NXPE2: variants seen among roughly 807,000 people sequenced by gnomAD.
NXPE2 encodes the protein NXPE family member 2.
In NXPE2, 34 loss-of-function variants were observed where a neutral mutation model predicts 34.4. That is an observed-to-expected ratio of 0.99 (90% CI 0.75 to 1.31). The LOEUF is 1.31. Among genes scored for constraint, NXPE2 ranks in the 40% most tolerant of loss-of-function variants. The pLI is 0.00. For missense variants in NXPE2, 649 were observed against 672.5 expected (o/e 0.97, Z 0.39); for synonymous variants, 235 against 231.3 (o/e 1.02, Z -0.15).
chr11:114,496,420 A>T, the NXPE2 span, among the ~76,000 whole-genome samples: 1 of 151,864 alleles, frequency 6.6e-6, no homozygotes, highest in Non-Finnish European at 1.5e-5. Flanking sequence ...TGTCTTTCCT[A>T]CCCTCTTCAG....
At chr11:114,661,016 G>A in the NXPE2 span, among the ~76,000 whole-genome samples, 1 of 152,054 alleles carries the variant, frequency 6.6e-6, no homozygotes, top group Non-Finnish European at 1.5e-5. Context: ...ATTAAGAATG[G>A]CACGGAAAAC....
the NXPE2 span, among the ~76,000 whole-genome samples, chr11:114,743,659 A>G: frequency 1.5e-3 from 224 of 152,174 alleles, no homozygotes; most frequent in African/African-American, 5.2e-3. Flanking sequence ...TTAAGGTGGA[A>G]CAGTCAATAA....
chr11:114,663,660 T>TATC, the NXPE2 span, among the ~76,000 whole-genome samples: 6 of 132,724 alleles, frequency 4.5e-5, no homozygotes, highest in South Asian at 5.0e-4. Context: ...ATCATCTATT[T>TATC]ATCTATCATC....
At chr11:114,505,910 T>A in the NXPE2 span, among the ~76,000 whole-genome samples, 1 of 152,124 alleles carries the variant, frequency 6.6e-6, no homozygotes, top group Non-Finnish European at 1.5e-5. Flanking sequence ...ATGCCCCATT[T>A]AAAAGACACA....
the NXPE2 span, chr11:114,581,617 G>A: frequency 0.11 from 91,771 of 863,592 alleles, 8,418 homozygotes; most frequent in East Asian, 0.42. Context: ...TAAGCCAGAT[G>A]AACAGAGTGC....
At chr11:114,559,170 AG>A in the NXPE2 span, among the ~76,000 whole-genome samples, 1 of 152,242 alleles carries the variant, frequency 6.6e-6, no homozygotes, top group Non-Finnish European at 1.5e-5. Flanking sequence ...AAATTAAAAA[AG>A]AATCCTTCCT....
At chr11:114,639,737 AATAATAT>A in the NXPE2 span, among the ~76,000 whole-genome samples, 1 of 105,568 alleles carries the variant, frequency 9.5e-6, no homozygotes, top group Non-Finnish European at 1.9e-5. Flanking sequence ...TATAATATAA[AATAATAT>A]ATAATATATA....
At chr11:114,700,208 CTT>C (rs1392237063) in intron 3 of NXPE2, among the ~76,000 whole-genome samples, 3 of 152,144 alleles carry the variant, frequency 2.0e-5, no homozygotes, top group Non-Finnish European at 4.4e-5. Flanking sequence ...ACAGATTTGT[CTT>C]TTACTATTTC....
downstream of NXPE2, among the ~76,000 whole-genome samples, chr11:114,708,262 A>G (rs1951504738): frequency 6.6e-6 from 1 of 152,170 alleles, no homozygotes; most frequent in South Asian, 2.1e-4. Flanking sequence ...CAAAACCCAC[A>G]GGCTCATTGA....
chr11:114,731,443 A>G, the NXPE2 span, among the ~76,000 whole-genome samples: 1 of 152,182 alleles, frequency 6.6e-6, no homozygotes, highest in Non-Finnish European at 1.5e-5. Flanking sequence ...ATGCAGCTTT[A>G]TTGATAATAA....
chr11:114,625,984 G>A, the NXPE2 span, among the ~76,000 whole-genome samples: 23 of 143,076 alleles, frequency 1.6e-4, no homozygotes, highest in East Asian at 1.4e-3. Flanking sequence ...AAAAAACGGC[G>A]CACCAGGAGA....
At chr11:114,640,449 T>C in the NXPE2 span, among the ~76,000 whole-genome samples, 1 of 151,636 alleles carries the variant, frequency 6.6e-6, no homozygotes, top group Non-Finnish European at 1.5e-5. Flanking sequence ...TTGATGTGAC[T>C]TCTTTTCCTC....
chr11:114,483,140 AT>A, the NXPE2 span, among the ~76,000 whole-genome samples: 2 of 152,318 alleles, frequency 1.3e-5, no homozygotes, highest in Non-Finnish European at 1.5e-5. Flanking sequence ...CAACAGTAAG[AT>A]TTTACAATTT....
the NXPE2 span, among the ~76,000 whole-genome samples, chr11:114,724,668 AC>A: frequency 6.6e-6 from 1 of 151,418 alleles, no homozygotes; most frequent in Non-Finnish European, 1.5e-5. Context: ...TCCATTGCAC[AC>A]CCCCCGCCAC....
rs1417413729 is a variant in NXPE2, at chr11:114,706,500, T to C, written c.1250T>C (p.Phe417Ser). Residue 417 changes from phenylalanine (F) to serine (S), a missense_variant, in exon 6 of 6, where the codon TTT becomes TCT. Phe to Ser is a radical substitution (Grantham distance 155). Coordinates refer to ENST00000389586, the MANE Select transcript of NXPE2 (RefSeq NM_182495.6). ...CAGTGGAAAAAACATGGTCATCCATTTGTTACCAAAAAATTATTCTCAGTG... is the reference window on the plus strand; with the variant it reads ...CAGTGGAAAAAACATGGTCATCCATCTGTTACCAAAAAATTATTCTCAGTG... ...LIQWKKHGHP[F>S]VTKKLFSVKD... The C allele has an allele frequency of 1.9e-6, 3 of 1,551,828 alleles. No homozygotes were observed. Among genetic ancestry groups the C allele is most frequent in the Non-Finnish European group, 2.6e-6 (3 of 1,146,960 alleles).
chr11:114,746,402 A>G, the NXPE2 span, among the ~76,000 whole-genome samples: 1 of 152,258 alleles, frequency 6.6e-6, no homozygotes, highest in Non-Finnish European at 1.5e-5. Flanking sequence ...AAGTATTACA[A>G]GAAACCCAGT....
At chr11:114,692,422 G>A (rs1000870947) in intron 2 of NXPE2, among the ~76,000 whole-genome samples, 6 of 152,264 alleles carry the variant, frequency 3.9e-5, no homozygotes, top group Middle Eastern at 3.4e-3. Flanking sequence ...CAGATCCCCA[G>A]TATCTAGTCT....
At chr11:114,654,886 G>A in the NXPE2 span, among the ~76,000 whole-genome samples, 1 of 152,154 alleles carries the variant, frequency 6.6e-6, no homozygotes, top group African/African-American at 2.4e-5. Flanking sequence ...GATCCTTGAG[G>A]AATCGCTATA....
At chr11:114,582,698 G>C in the NXPE2 span, 1 of 1,614,120 alleles carries the variant, frequency 6.2e-7, no homozygotes, top group African/African-American at 1.3e-5. Context: ...AAGACATCCT[G>C]GCCCTCAGGA....
Sources: allele counts gnomAD v4.1 joint callset (sites outside exome capture counted in the v4.1 genomes callset), GRCh38; gene constraint gnomAD v4.1.1; transcripts MANE v1.5; gene names NCBI Gene and HGNC (gene_info 2026-07-23, HGNC 2026-07-21).